Variants in CTIF observed in about 807,000 individuals in gnomAD.
The protein encoded by CTIF is cap binding complex dependent translation initiation factor.
Under a neutral mutation model 66.0 loss-of-function variants are expected in CTIF, and 21 were observed. The observed-to-expected ratio is 0.32, with a 90% CI of 0.23 to 0.46. The LOEUF (loss-of-function observed/expected upper bound fraction) is 0.46. Among genes scored for constraint, CTIF ranks in the 20% least tolerant of loss-of-function variants. CTIF has a pLI of 1.00. For synonymous variants in CTIF, 345 were observed against 326.4 expected, an observed-to-expected ratio of 1.06 and a Z score of -0.62; for missense variants, 739 against 812.7, an observed-to-expected ratio of 0.91 and a Z score of 1.10.
At chr18:48,596,566 C>T (rs543679309) in intron 1 of CTIF, among the ~76,000 whole-genome samples, 1 of 152,052 alleles carries the variant, frequency 6.6e-6, no homozygotes, top group African/African-American at 2.4e-5. Flanking sequence ...CTACCTCTGC[C>T]TCCCGGGTTC....
At chr18:48,799,180 C>G (rs1454293557) in intron 9 of CTIF, among the ~76,000 whole-genome samples, 1 of 152,186 alleles carries the variant, frequency 6.6e-6, no homozygotes, top group Non-Finnish European at 1.5e-5. Context: ...AAGGTGTGGT[C>G]TCTGGCCATA....
chr18:48,806,601 A>G (rs1225874222), intron 9 of CTIF, among the ~76,000 whole-genome samples: 3 of 152,176 alleles, frequency 2.0e-5, no homozygotes, highest in South Asian at 2.1e-4. Flanking sequence ...AAATATATGC[A>G]TCATAGTCCT....
intron 1 of CTIF, among the ~76,000 whole-genome samples, chr18:48,549,429 A>G (rs567525249): frequency 6.6e-6 from 1 of 152,332 alleles, no homozygotes; most frequent in Admixed American, 6.5e-5. Flanking sequence ...CTTTAAAAAC[A>G]AGGTGTTTCA....
intron 9 of CTIF, among the ~76,000 whole-genome samples, chr18:48,789,349 A>G (rs2067743073): frequency 6.6e-6 from 1 of 151,920 alleles, no homozygotes. Context: ...GAGGATGGTA[A>G]TAATGATTGG....
Position 48,805,757 on chromosome 18 carries a change from A to C in CTIF, c.1372-11464A>C, listed in dbSNP as rs540147925. 1.8e-4 allele frequency among the ~76,000 whole-genome samples: 27 copies of C among 152,340 alleles called. No individual in the cohort carries two copies. In the South Asian group the frequency reaches 5.4e-3, roughly 30 times the overall value. On this transcript the variant is annotated intron_variant, in intron 9 of 11. Transcript: ENST00000256413. Reference sequence around the variant, plus strand: ...AGGAGTGAACTGTCAGCCACAAATGAAAGAAAAGATGAGACAGGCATACAT... The same window carrying C: ...AGGAGTGAACTGTCAGCCACAAATGCAAGAAAAGATGAGACAGGCATACAT...
intron 7 of CTIF, among the ~76,000 whole-genome samples, chr18:48,722,231 GT>G (rs2092345226): frequency 4.2e-5 from 1 of 23,694 alleles, no homozygotes; most frequent in African/African-American, 1.4e-4. Context: ...TTTTTTTTTT[GT>G]GAGACAGGAT....
intron 9 of CTIF, among the ~76,000 whole-genome samples, chr18:48,796,814 G>A (rs1206076199): frequency 1.3e-5 from 2 of 152,208 alleles, no homozygotes; most frequent in African/African-American, 2.4e-5. Flanking sequence ...TACTGAAATC[G>A]CGTGGGTAGC....
chr18:48,744,301 C>A (rs1440276933), intron 7 of CTIF, among the ~76,000 whole-genome samples: 1 of 152,184 alleles, frequency 6.6e-6, no homozygotes, highest in African/African-American at 2.4e-5. Flanking sequence ...TATTGTATTT[C>A]ATTTGGTTTG....
At chr18:48,569,457 A>T (rs2089359872) in intron 1 of CTIF, among the ~76,000 whole-genome samples, 1 of 152,030 alleles carries the variant, frequency 6.6e-6, no homozygotes. Context: ...GAAATTCATA[A>T]ATGAAAAAAA....
intron 7 of CTIF, among the ~76,000 whole-genome samples, chr18:48,719,888 T>C (rs529722776): frequency 5.2e-4 from 79 of 152,358 alleles, no homozygotes; most frequent in African/African-American, 1.6e-3. Context: ...TAAGCATCAC[T>C]CAGGCATGAG....
chr18:48,663,917 G>A, intron 4 of CTIF, 92 bp downstream of exon 4: 1 of 1,163,990 alleles, frequency 8.6e-7, no homozygotes, highest in Non-Finnish European at 1.3e-6. Context: ...TGGTTCATGA[G>A]CAAGAGGCAG....
chr18:48,748,014 AG>A (rs770164608), intron 7 of CTIF, among the ~76,000 whole-genome samples: 37 of 152,176 alleles, frequency 2.4e-4, no homozygotes, highest in Non-Finnish European at 5.0e-4. Context: ...TGACGGCCAA[AG>A]TAATGGAGAA....
chr18:48,604,757 C>T (rs1193483214), intron 1 of CTIF, among the ~76,000 whole-genome samples: 1 of 152,126 alleles, frequency 6.6e-6, no homozygotes, highest in East Asian at 1.9e-4. Context: ...AAAAGAAACC[C>T]TTTAGCTATC....
intron 11 of CTIF, 59 bp from the exon 12 acceptor site, chr18:48,859,285 G>T (rs983030881): frequency 2.8e-6 from 4 of 1,442,884 alleles, no homozygotes; most frequent in Non-Finnish European, 3.9e-6. Context: ...CCTAATCAGG[G>T]TGGCCAGTGG....
chr18:48,551,966 TA>T (rs1423748975), intron 1 of CTIF, among the ~76,000 whole-genome samples: 7 of 151,996 alleles, frequency 4.6e-5, no homozygotes, highest in African/African-American at 1.7e-4. Context: ...CCCAGCTAAT[TA>T]TTTTTTTTGT....
intron 6 of CTIF, among the ~76,000 whole-genome samples, chr18:48,671,163 G>A (rs1444970853): frequency 2.0e-5 from 3 of 152,164 alleles, no homozygotes; most frequent in Non-Finnish European, 4.4e-5. Flanking sequence ...CAGTGGACTT[G>A]CCCTGCTGGC....
chr18:48,602,768 T>A (rs72925544), intron 1 of CTIF, among the ~76,000 whole-genome samples: 2 of 152,230 alleles, frequency 1.3e-5, no homozygotes. Context: ...GAGTTAGTGT[T>A]TTTTAAATGG....
At chr18:48,813,677 C>G (rs2068306270) in intron 9 of CTIF, among the ~76,000 whole-genome samples, 1 of 152,262 alleles carries the variant, frequency 6.6e-6, no homozygotes, top group Admixed American at 6.5e-5. Context: ...ACAGAATGCT[C>G]TCTTGATGCC....
chr18:48,551,319 C>A (rs1316391846), intron 1 of CTIF, among the ~76,000 whole-genome samples: 1 of 151,834 alleles, frequency 6.6e-6, no homozygotes, highest in African/African-American at 2.4e-5. Context: ...ATGAAGCCAC[C>A]CAGTCTATGG....
Sources: allele counts gnomAD v4.1 joint callset (sites outside exome capture counted in the v4.1 genomes callset), GRCh38; gene constraint gnomAD v4.1.1; transcripts MANE v1.5; gene names NCBI Gene and HGNC (gene_info 2026-07-23, HGNC 2026-07-21).